ZMIZ1: variants seen among roughly 807,000 people sequenced by gnomAD.
ZMIZ1 encodes zinc finger MIZ-type containing 1.
A neutral mutation model predicts 113.9 loss-of-function variants in ZMIZ1; 17 were observed. The observed-to-expected ratio is 0.15, with a 90% CI of 0.10 to 0.22. ZMIZ1 has a LOEUF of 0.22. Ranked by LOEUF, ZMIZ1 falls within the 10% of genes least tolerant of loss-of-function variation. ZMIZ1 has a pLI of 1.00. For missense variants in ZMIZ1, 1,059 were observed against 1,477.8 expected, an observed-to-expected ratio of 0.72 and a Z score of 4.65; for synonymous variants, 607 against 603.1, an observed-to-expected ratio of 1.01 and a Z score of -0.09.
At chr10:79,223,052 C>G (rs537947817) in intron 7 of ZMIZ1, among the ~76,000 whole-genome samples, 1 of 152,160 alleles carries the variant, frequency 6.6e-6, no homozygotes, top group South Asian at 2.1e-4. Flanking sequence ...GGCTTGACTC[C>G]GATCTCCCCC....
At chr10:79,298,289 C>T in intron 14 of ZMIZ1, 117 bp from the exon 15 acceptor site, 2 of 1,182,728 alleles carry the variant, frequency 1.7e-6, no homozygotes, top group Non-Finnish European at 2.4e-6. Flanking sequence ...GGAGGAGGCT[C>T]TCCTCCCGAG....
intron 4 of ZMIZ1, among the ~76,000 whole-genome samples, chr10:79,171,992 A>G (rs978147819): frequency 1.3e-5 from 2 of 152,208 alleles, no homozygotes; most frequent in African/African-American, 2.4e-5. Context: ...TAGGCACTCA[A>G]TAAATGCTGA....
At chr10:79,193,007 G>C (rs1002859563) in intron 4 of ZMIZ1, among the ~76,000 whole-genome samples, 1 of 152,106 alleles carries the variant, frequency 6.6e-6, no homozygotes, top group Non-Finnish European at 1.5e-5. Flanking sequence ...CTCTCCTACT[G>C]TCCTTGCTTC....
At chr10:79,096,490 C>T (rs1209868483) in intron 1 of ZMIZ1, among the ~76,000 whole-genome samples, 3 of 151,740 alleles carry the variant, frequency 2.0e-5, no homozygotes, top group South Asian at 2.1e-4. Flanking sequence ...CCAGCCTGGG[C>T]GACAGAGTGA....
chr10:79,286,446 C>T (rs947251633), intron 8 of ZMIZ1, among the ~76,000 whole-genome samples: 1 of 152,244 alleles, frequency 6.6e-6, no homozygotes, highest in Non-Finnish European at 1.5e-5. Flanking sequence ...ACGGTCCTGT[C>T]GGTGCGGCTG....
Position 79,292,362 on chromosome 10 carries a change from G to A in ZMIZ1, c.957+6G>A. On this transcript the variant is annotated splice_donor_region_variant and intron_variant, in intron 11 of 24. Transcript: ENST00000334512. ...ATATAAACCAGTATGGACCGGTAAGGGTTCCCACTAATCCTGGTCCAGCCT... is the reference window on the plus strand; with the variant it reads ...ATATAAACCAGTATGGACCGGTAAGAGTTCCCACTAATCCTGGTCCAGCCT... 6.2e-7 allele frequency: 1 copy of A among 1,600,804 alleles called. No individual in the cohort carries two copies. Among genetic ancestry groups the A allele is most frequent in the Non-Finnish European group, 8.5e-7 (1 of 1,169,742 alleles).
At chr10:79,141,053 G>C (rs1022788352) in intron 3 of ZMIZ1, among the ~76,000 whole-genome samples, 2 of 152,154 alleles carry the variant, frequency 1.3e-5, no homozygotes, top group Non-Finnish European at 2.9e-5. Flanking sequence ...GTGTGCAATG[G>C]AGTACGACTC....
chr10:79,276,385 C>T (rs910192286), intron 7 of ZMIZ1, among the ~76,000 whole-genome samples: 1 of 152,176 alleles, frequency 6.6e-6, no homozygotes, highest in Non-Finnish European at 1.5e-5. Flanking sequence ...GGACAGTGAA[C>T]AGTGAAAGAA....
At chr10:79,120,018 A>AT (rs1844219303) in intron 2 of ZMIZ1, among the ~76,000 whole-genome samples, 2 of 152,208 alleles carry the variant, frequency 1.3e-5, no homozygotes, top group African/African-American at 4.8e-5. Context: ...GGCAAGCCCC[A>AT]TAACAGTGGC....
chr10:79,137,868 G>A (rs541148955), intron 2 of ZMIZ1, among the ~76,000 whole-genome samples: 6 of 152,118 alleles, frequency 3.9e-5, no homozygotes, highest in Non-Finnish European at 7.4e-5. Flanking sequence ...GGGCCCTGGC[G>A]CCTCTGCCAG....
chr10:79,275,214 C>T (rs75993670), intron 7 of ZMIZ1, among the ~76,000 whole-genome samples: 231 of 152,358 alleles, frequency 1.5e-3, no homozygotes, highest in Non-Finnish European at 2.1e-3. Flanking sequence ...GTGCTGGACA[C>T]CCACATAGGG....
chr10:79,128,635 A>G (rs968170668), intron 2 of ZMIZ1, among the ~76,000 whole-genome samples: 1 of 152,102 alleles, frequency 6.6e-6, no homozygotes, highest in African/African-American at 2.4e-5. Flanking sequence ...GATTGATTGG[A>G]CCAGAAGGGG....
chr10:79,120,223 T>G (rs1323663726), intron 2 of ZMIZ1, among the ~76,000 whole-genome samples: 1 of 152,184 alleles, frequency 6.6e-6, no homozygotes, highest in Admixed American at 6.5e-5. Flanking sequence ...TACACAGACG[T>G]CGCTTCTGCA....
At chr10:79,221,321 C>T (rs986148093) in intron 7 of ZMIZ1, among the ~76,000 whole-genome samples, 4 of 152,200 alleles carry the variant, frequency 2.6e-5, no homozygotes, top group Admixed American at 6.5e-5. Context: ...GAGGCGAGCA[C>T]AGGCAGTCAC....
chr10:79,311,484 G>T (rs989932846), intron 24 of ZMIZ1, among the ~76,000 whole-genome samples: 1 of 152,148 alleles, frequency 6.6e-6, no homozygotes, highest in South Asian at 2.1e-4. Context: ...GCACAGGAGG[G>T]TCCCTGCCCT....
Position 79,118,235 on chromosome 10 carries a change from G to T in ZMIZ1, c.-336-680G>T, listed in dbSNP as rs142958056. Among the ~76,000 whole-genome samples the T allele has an allele frequency of 6.6e-6, 1 of 152,274 alleles. No individual in the cohort carries two copies. The highest frequency in any genetic ancestry group is 1.5e-5 in the Non-Finnish European group (1 of 68,012). ...GAATCGAATAGAGGAAGGGATGGGG[G>T]GAGGCCTCCTGACTTCAGTCAGCCC... is the stretch of plus-strand genomic sequence containing the variant. On this transcript the variant is annotated intron_variant, in intron 1 of 24. Transcript: ENST00000334512. This position sits in a 1 kb window ranked among gnomAD's most constrained non-coding sequence, Gnocchi z 4.1.
intron 2 of ZMIZ1, among the ~76,000 whole-genome samples, chr10:79,126,121 G>A (rs146420287): frequency 1.0e-3 from 157 of 152,270 alleles, no homozygotes; most frequent in African/African-American, 3.6e-3. Flanking sequence ...TGAGAGGTTC[G>A]CCACCACAAG....
Position 79,305,146 on chromosome 10 carries a change from C to T in ZMIZ1, c.2287-18C>T, listed in dbSNP as rs755109998. 1 of 1,611,940 alleles carries T rather than the reference C, an allele frequency of 6.2e-7. No individual in the cohort carries two copies. Among genetic ancestry groups the T allele is most frequent in the African/African-American group, 1.3e-5 (1 of 74,994 alleles). ...CTGACAGTCCTGGTCTCACCTGTGT[C>T]TGTCTGTCTGTCTGCAGTGCTTTGA... is the stretch of plus-strand genomic sequence containing the variant. On this transcript the variant is annotated intron_variant, in intron 19 of 24. Coordinates refer to ENST00000334512, the MANE Select transcript of ZMIZ1 (RefSeq NM_020338.4).
chr10:79,308,165 TGGCAGG>T (rs1179011699), intron 23 of ZMIZ1, among the ~76,000 whole-genome samples: 1 of 152,176 alleles, frequency 6.6e-6, no homozygotes, highest in African/African-American at 2.4e-5. Context: ...CCAGTGGCAG[TGGCAGG>T]AGGCCCTCCT....
Sources: allele counts gnomAD v4.1 joint callset (sites outside exome capture counted in the v4.1 genomes callset), GRCh38; gene constraint gnomAD v4.1.1; non-coding constraint Gnocchi (gnomAD v3.1); transcripts MANE v1.5; gene names NCBI Gene and HGNC (gene_info 2026-07-23, HGNC 2026-07-21).